Variants in SLC13A4 observed in about 807,000 individuals in gnomAD.
SLC13A4 encodes Na(+)/sulfate cotransporter SUT-1.
SLC13A4 carries 28 observed loss-of-function variants against 72.7 expected under a neutral mutation model. The observed-to-expected ratio is 0.39, with a 90% CI of 0.29 to 0.53. SLC13A4 has a LOEUF of 0.53. Among genes scored for constraint, SLC13A4 ranks in the 20% least tolerant of loss-of-function variants. SLC13A4 has a pLI of 0.78. For missense variants in SLC13A4, 653 were observed against 788.0 expected, an observed-to-expected ratio of 0.83 and a Z score of 2.05; for synonymous variants, 312 against 325.5, an observed-to-expected ratio of 0.96 and a Z score of 0.45.
At chr7:135,707,871 C>T (rs1160195862) in intron 3 of SLC13A4, 1 of 433,716 alleles carries the variant, frequency 2.3e-6, no homozygotes, top group Admixed American at 3.9e-5. Flanking sequence ...AAGCTGCTGC[C>T]CTTGCAGCCT....
At chr7:135,688,165 G>A (rs868827705) in intron 13 of SLC13A4, among the ~76,000 whole-genome samples, 50 of 150,922 alleles carry the variant, frequency 3.3e-4, no homozygotes, top group African/African-American at 1.2e-3. Context: ...TAGTAGAGAC[G>A]AGGTTTCACC....
intron 2 of SLC13A4, among the ~76,000 whole-genome samples, chr7:135,711,962 G>GGTTTT (rs1563167348): frequency 8.4e-5 from 5 of 59,628 alleles, no homozygotes; most frequent in African/African-American, 2.9e-4. Flanking sequence ...AATGTTTTTG[G>GGTTTT]ATTTTTTTTT....
chr7:135,727,531 C>G lies in SLC13A4; in HGVS notation c.-35G>C. 6.5e-7 allele frequency: 1 copy of G among 1,529,324 alleles called. No individual in the cohort carries two copies. The highest frequency in any genetic ancestry group is 1.2e-5 in the South Asian group (1 of 82,394). The allele number at this position is 1,529,324 out of a possible 1,614,324, so 94.7% of individuals were successfully genotyped here. On this transcript the variant is annotated 5_prime_UTR_variant, in exon 1 of 16. Coordinates refer to ENST00000682651, the MANE Select transcript of SLC13A4 (RefSeq NM_001318192.2). ...GTCCTCTCCAGCTCGTCCTTGGACCCCGCTCTGCCGGCGAAAGGCTTCCTG... is the reference window on the plus strand; with the variant it reads ...GTCCTCTCCAGCTCGTCCTTGGACCGCGCTCTGCCGGCGAAAGGCTTCCTG...
intron 6 of SLC13A4, 40 bp from the exon 7 acceptor site, chr7:135,701,800 G>A (rs1412685389): frequency 2.5e-6 from 4 of 1,601,088 alleles, no homozygotes; most frequent in South Asian, 1.1e-5. Flanking sequence ...GGAAGAGGAA[G>A]TGGTGAGCCA....
chr7:135,721,535 G>A lies in SLC13A4; in HGVS notation c.100-12C>T, dbSNP rs1325816431. 1 of 1,613,620 alleles carries A rather than the reference G, an allele frequency of 6.2e-7. No homozygotes were observed. ...GCACACGAGGCCTCCTGCAAGGCAAGGAAAGGGGCCGTCATTCACAGGAAT... is the reference window on the plus strand; with the variant it reads ...GCACACGAGGCCTCCTGCAAGGCAAAGAAAGGGGCCGTCATTCACAGGAAT... On this transcript the variant is annotated splice_polypyrimidine_tract_variant and intron_variant, in intron 1 of 15. Coordinates refer to ENST00000682651, the MANE Select transcript of SLC13A4 (RefSeq NM_001318192.2).
chr7:135,727,711 T>C lies in SLC13A4; in HGVS notation c.-215A>G. On this transcript the variant is annotated 5_prime_UTR_variant, in exon 1 of 16. Transcript: ENST00000682651. ...GGCCTCCTGCTTTAGGTGGGATTGA[T>C]GAGCATCGTTTTGTGACCAGCAAAA... 1 of 521,570 alleles carries C rather than the reference T, an allele frequency of 1.9e-6. No homozygotes were observed. The highest frequency in any genetic ancestry group is 3.3e-6 in the Non-Finnish European group (1 of 301,064). 32.3% of individuals were successfully genotyped at this position (521,570 alleles called of 1,614,324 possible).
chr7:135,715,672 A>AGCCCTGTGGTGCCCACCTCTAT, intron 2 of SLC13A4, among the ~76,000 whole-genome samples: 1 of 152,280 alleles, frequency 6.6e-6, no homozygotes, highest in South Asian at 2.1e-4. Flanking sequence ...TTCACCGGAG[A>AGCCCTGTGGTGCCCACCTCTAT]GCCCTGTGGT....
intron 2 of SLC13A4, among the ~76,000 whole-genome samples, chr7:135,715,162 A>T (rs531622231): frequency 5.4e-5 from 8 of 147,438 alleles, no homozygotes; most frequent in Admixed American, 3.4e-4. Context: ...AGTGTGTGAG[A>T]GTATATATGT....
At chr7:135,684,089 G>C (rs200716658) in intron 15 of SLC13A4, 35 bp downstream of exon 15, 5 of 1,565,814 alleles carry the variant, frequency 3.2e-6, no homozygotes, top group Non-Finnish European at 4.3e-6. Context: ...CCTCATGGCA[G>C]CTGGGCCTGG....
rs1352245961 is a variant in SLC13A4 at position 135,706,246 on chromosome 7, G to A, written c.420C>T (p.Asn140=). 4 of 1,613,932 alleles carry A rather than the reference G, an allele frequency of 2.5e-6. No individual in the cohort carries two copies. Among genetic ancestry groups the A allele is most frequent in the Non-Finnish European group, 3.4e-6 (4 of 1,179,828 alleles). The change falls in exon 4 of 16, where the codon AAC becomes AAT. Residue 140 remains asparagine (N), a synonymous_variant. Coordinates refer to ENST00000682651, the MANE Select transcript of SLC13A4 (RefSeq NM_001318192.2). ...CTTLLSMWLS[N]TSTTAMVMPI... The stretch of plus-strand genomic sequence containing the variant: ...GCATCACCATGGCGGTGGTGGAGGT[G>A]TTGGACAGCCACATGGACAGCAACG...
rs1302369336 is a variant in SLC13A4 at position 135,681,346 on chromosome 7, G to T, written c.*217C>A. The stretch of plus-strand genomic sequence containing the variant: ...GTTTTCTTGAGCTGTGGTGCTGAGG[G>T]CAGGAAGAAGACACTAACAGCGAAG... On this transcript the variant is annotated 3_prime_UTR_variant, in exon 16 of 16. Coordinates refer to ENST00000682651, the MANE Select transcript of SLC13A4 (RefSeq NM_001318192.2). The T allele has an allele frequency of 4.4e-6, 2 of 454,666 alleles. No homozygotes were observed. Among genetic ancestry groups the T allele is most frequent in the Non-Finnish European group, 7.7e-6 (2 of 260,176 alleles). The allele number at this position is 454,666 out of a possible 1,614,324, so 28.2% of individuals were successfully genotyped here.
intron 3 of SLC13A4, among the ~76,000 whole-genome samples, chr7:135,706,782 C>T (rs940348267): frequency 2.0e-5 from 3 of 152,224 alleles, no homozygotes; most frequent in Admixed American, 1.3e-4. Flanking sequence ...GTTTGGAGCT[C>T]ACAGTTCCAC....
chr7:135,716,836 G>A (rs1262669457), intron 2 of SLC13A4, among the ~76,000 whole-genome samples: 3 of 152,188 alleles, frequency 2.0e-5, no homozygotes, highest in African/African-American at 4.8e-5. Flanking sequence ...GTTATATAGT[G>A]TGTGTAAATG....
intron 2 of SLC13A4, among the ~76,000 whole-genome samples, chr7:135,710,381 G>A (rs1796273346): frequency 6.6e-6 from 1 of 152,212 alleles, no homozygotes; most frequent in African/African-American, 2.4e-5. Flanking sequence ...GGGCGACAGA[G>A]CGAGACTACG....
chr7:135,690,717 C>A lies in SLC13A4; in HGVS notation c.1446+484G>T, dbSNP rs181467331. 1.0e-2 allele frequency among the ~76,000 whole-genome samples: 1,298 copies of A among 130,374 alleles called. 22 individuals are homozygous for A. The highest frequency in any genetic ancestry group is 0.036 in the African/African-American group (1,250 of 35,100). The allele number at this position is 130,374 out of a possible 152,430, so 85.5% of individuals were successfully genotyped here. Reference sequence around the variant, plus strand: ...CCATCTGTTCCTCTGTTCCTAGTAGCGCTGAGAAGCTTAGGGCAGCAGAGG... The same window carrying A: ...CCATCTGTTCCTCTGTTCCTAGTAGAGCTGAGAAGCTTAGGGCAGCAGAGG... On this transcript the variant is annotated intron_variant, in intron 13 of 15. Coordinates refer to ENST00000682651, the MANE Select transcript of SLC13A4 (RefSeq NM_001318192.2).
rs778887452 is a variant in SLC13A4, at chr7:135,699,579, A to G, written c.715-31T>C. 14 of 1,571,622 alleles carry G rather than the reference A, an allele frequency of 8.9e-6. No homozygotes were observed. In the East Asian group the frequency reaches 2.7e-4, roughly 31 times the overall value. On this transcript the variant is annotated intron_variant, in intron 7 of 15. Transcript: ENST00000682651. Reference sequence around the variant, plus strand: ...GAAGGAAAATCAGCAAATCTGTCCAACCCAGCTTGGGCTGTCTGGCCGAAG... The same window carrying G: ...GAAGGAAAATCAGCAAATCTGTCCAGCCCAGCTTGGGCTGTCTGGCCGAAG...
chr7:135,706,353 G>A (rs373435663), intron 3 of SLC13A4, 53 bp from the exon 4 acceptor site: 9 of 1,532,792 alleles, frequency 5.9e-6, no homozygotes, highest in Admixed American at 3.5e-5. Context: ...ACATCCCTGC[G>A]GCTCCACAGT....
intron 2 of SLC13A4, among the ~76,000 whole-genome samples, chr7:135,719,067 T>C (rs1189164937): frequency 6.6e-6 from 1 of 152,234 alleles, no homozygotes; most frequent in East Asian, 1.9e-4. Context: ...TTCGGATTTT[T>C]CACCTCAAAT....
Position 135,699,498 on chromosome 7 carries a change from T to C in SLC13A4, c.765A>G (p.Arg255=), listed in dbSNP as rs770554530. Residue 255 remains arginine, a synonymous_variant, in exon 8 of 16, where the codon AGA becomes AGG. Transcript: ENST00000682651. The part of the protein sequence containing the change: ...TPSPRKQKLN[R]KYRSHHDQMI... ...TCTGGTCATGGTGGGACCTGTACTTTCTGTTCAGCTTCTGCTTCCTGGGGC... is the reference window on the plus strand; with the variant it reads ...TCTGGTCATGGTGGGACCTGTACTTCCTGTTCAGCTTCTGCTTCCTGGGGC... 13 of 1,611,254 alleles carry C rather than the reference T, an allele frequency of 8.1e-6. No individual in the cohort carries two copies. Among genetic ancestry groups the C allele is most frequent in the Non-Finnish European group, 1.0e-5 (12 of 1,178,702 alleles).
Sources: allele counts gnomAD v4.1 joint callset (sites outside exome capture counted in the v4.1 genomes callset), GRCh38; gene constraint gnomAD v4.1.1; transcripts MANE v1.5; gene names NCBI Gene and HGNC (gene_info 2026-07-23, HGNC 2026-07-21).